The following VPS35L variants were observed in gnomAD, a reference collection of about 807,000 sequenced individuals.
VPS35L encodes the protein VPS35 endosomal protein-sorting factor-like.
A neutral mutation model predicts 133.0 loss-of-function variants in VPS35L; 83 were observed. The observed-to-expected ratio is 0.62, with a 90% CI of 0.52 to 0.75. The LOEUF (loss-of-function observed/expected upper bound fraction) is 0.75. Ranked by LOEUF, VPS35L falls within the 30% of genes least tolerant of loss-of-function variation. The pLI is 0.00. For missense variants in VPS35L, 1,083 were observed against 1,206.8 expected (o/e 0.90, Z 1.52); for synonymous variants, 423 against 449.9 (o/e 0.94, Z 0.76).
At chr16:19,586,817 A>G (rs2151522783) in intron 7 of VPS35L, among the ~76,000 whole-genome samples, 1 of 152,276 alleles carries the variant, frequency 6.6e-6, no homozygotes, top group Non-Finnish European at 1.5e-5. Context: ...ATTACTTTTT[A>G]TATATCCTAT....
intron 9 of VPS35L, among the ~76,000 whole-genome samples, chr16:19,602,750 C>T (rs536374762): frequency 1.3e-5 from 2 of 152,126 alleles, no homozygotes; most frequent in Admixed American, 1.3e-4. Context: ...CTACTGGTGC[C>T]TGCCACCACA....
chr16:19,649,720 G>T (rs1437186538), intron 24 of VPS35L, among the ~76,000 whole-genome samples: 1 of 152,168 alleles, frequency 6.6e-6, no homozygotes, highest in East Asian at 1.9e-4. Context: ...GTTCCCTAAG[G>T]CTCTTTCATT....
At chr16:19,664,201 G>T (rs752068400) in intron 26 of VPS35L, among the ~76,000 whole-genome samples, 1 of 152,116 alleles carries the variant, frequency 6.6e-6, no homozygotes, top group Non-Finnish European at 1.5e-5. Context: ...TCTTACAATA[G>T]AGCAGTCCAA....
intron 1 of VPS35L, among the ~76,000 whole-genome samples, chr16:19,563,513 A>T (rs924699229): frequency 6.6e-6 from 1 of 151,996 alleles, no homozygotes. Flanking sequence ...GTTCTTGCAC[A>T]TTCTCTCTCT....
intron 7 of VPS35L, chr16:19,582,022 C>A (rs1971726242): frequency 5.4e-6 from 1 of 185,256 alleles, no homozygotes; most frequent in South Asian, 1.7e-4. Flanking sequence ...GATTCCTTGA[C>A]CGCATTCGCT....
At chr16:19,676,822 A>G (rs967272207) in intron 27 of VPS35L, among the ~76,000 whole-genome samples, 3 of 152,220 alleles carry the variant, frequency 2.0e-5, no homozygotes, top group African/African-American at 7.2e-5. Context: ...ATGTTAAACA[A>G]ATAAGTACAC....
At chr16:19,678,179 A>G (rs1426074784) in intron 27 of VPS35L, among the ~76,000 whole-genome samples, 1 of 152,200 alleles carries the variant, frequency 6.6e-6, no homozygotes, top group Non-Finnish European at 1.5e-5. Flanking sequence ...CCAACCTAAT[A>G]CTTTTTTCCC....
rs929308761 is a variant in VPS35L at position 19,639,160 on chromosome 16, G to A, written c.1699-855G>A. ...TTCTATTTAATATTTTCGGATGGCCGTTAACCGAGGATAACTGACACTATG... is the reference window on the plus strand; with the variant it reads ...TTCTATTTAATATTTTCGGATGGCCATTAACCGAGGATAACTGACACTATG... On this transcript the variant is annotated intron_variant, in intron 20 of 30. Transcript: ENST00000417362. The surrounding 1 kb of genome is among the most constrained non-coding windows in gnomAD (Gnocchi z 4.1). 1.3e-5 allele frequency among the ~76,000 whole-genome samples: 2 copies of A among 152,184 alleles called. No homozygotes were observed. Among genetic ancestry groups the A allele is most frequent in the Admixed American group, 6.5e-5 (1 of 15,270 alleles).
intron 5 of VPS35L, chr16:19,578,670 T>C: frequency 3.1e-6 from 1 of 324,756 alleles, no homozygotes. Flanking sequence ...AGAGCACAAT[T>C]CTACGCTGTG....
At position 19,677,445 on chromosome 16, in the gene VPS35L, G is replaced by A. The variant is rs773392484; in HGVS notation, c.2362-4780G>A. Reference sequence around the variant, plus strand: ...GCTCCAGATTTGGGGGATGGGGTCAGATAATCAGGAGAGTTCCCGAAGAAA... The same window carrying A: ...GCTCCAGATTTGGGGGATGGGGTCAAATAATCAGGAGAGTTCCCGAAGAAA... On this transcript the variant is annotated intron_variant, in intron 27 of 30. Coordinates refer to ENST00000417362, the MANE Select transcript of VPS35L (RefSeq NM_020314.7). 4.6e-5 allele frequency among the ~76,000 whole-genome samples: 7 copies of A among 152,212 alleles called. 1 individual carries two copies. Among genetic ancestry groups the A allele is most frequent in the Non-Finnish European group, 1.0e-4 (7 of 68,026 alleles).
chr16:19,555,705 A>G lies in VPS35L; in HGVS notation c.-25A>G. 1 of 1,608,650 alleles carries G rather than the reference A, an allele frequency of 6.2e-7. No homozygotes were observed. The highest frequency in any genetic ancestry group is 8.5e-7 in the Non-Finnish European group (1 of 1,177,642). On this transcript the variant is annotated 5_prime_UTR_variant, in exon 1 of 31. Transcript: ENST00000417362. ...TGGGAAGCCGAGCAGACGGCCCCAG[A>G]ACAAGCGGTCATGTGACTGGGAAGA... is the stretch of plus-strand genomic sequence containing the variant.
At chr16:19,641,777 G>A (rs1452600109) in intron 21 of VPS35L, among the ~76,000 whole-genome samples, 1 of 149,392 alleles carries the variant, frequency 6.7e-6, no homozygotes. Context: ...GCTTCAGAAG[G>A]TATAAGAAGC....
chr16:19,607,500 C>T (rs917175371), intron 9 of VPS35L, among the ~76,000 whole-genome samples: 12 of 152,150 alleles, frequency 7.9e-5, no homozygotes, highest in African/African-American at 1.4e-4. Context: ...CAGGAAAATG[C>T]GAGTTCTTTT....
chr16:19,610,216 T>TC (rs985356117), intron 11 of VPS35L, 106 bp from the exon 12 acceptor site: 13 of 939,578 alleles, frequency 1.4e-5, no homozygotes, highest in South Asian at 3.3e-5. Flanking sequence ...ACTTGATTTT[T>TC]CCCCCCCTCC....
chr16:19,623,392 C>G (rs116033858), intron 14 of VPS35L, among the ~76,000 whole-genome samples: 2,473 of 152,256 alleles, frequency 0.016, 63 homozygotes, highest in African/African-American at 0.056. Flanking sequence ...TCCTTGCTGT[C>G]TCTTCCTATA....
At chr16:19,657,339 A>C (rs1183650255) in intron 26 of VPS35L, among the ~76,000 whole-genome samples, 2 of 151,662 alleles carry the variant, frequency 1.3e-5, no homozygotes, top group Non-Finnish European at 2.9e-5. Context: ...TTCTTTTAGA[A>C]CTTACTTTCT....
rs1244001861 is a variant in VPS35L at position 19,569,466 on chromosome 16, A to G, written c.160A>G (p.Thr54Ala). The G allele has an allele frequency of 1.2e-6, 2 of 1,605,040 alleles. No homozygotes were observed. The highest frequency in any genetic ancestry group is 2.7e-5 in the African/African-American group (2 of 74,676). ...AAAGAAAGTGAACCGGAAAGGAAGC[A>G]CTTCTTCCACGTCCTCCTCCTCCTC... ...KTKKVNRKGS[T>A]SSTSSSSSSS... The change falls in exon 3 of 31, where the codon ACT becomes GCT. Residue 54 changes from threonine to alanine, a missense_variant. Transcript: ENST00000417362.
At chr16:19,583,918 A>G (rs916994707) in intron 7 of VPS35L, among the ~76,000 whole-genome samples, 2 of 151,982 alleles carry the variant, frequency 1.3e-5, no homozygotes, top group African/African-American at 4.8e-5. Flanking sequence ...CTCCACTTCT[A>G]TGAGCTCAAC....
At chr16:19,696,337 C>T (rs944071443) in intron 29 of VPS35L, among the ~76,000 whole-genome samples, 6 of 152,112 alleles carry the variant, frequency 3.9e-5, no homozygotes, top group Non-Finnish European at 5.9e-5. Flanking sequence ...GTGGGGTGGG[C>T]GGCTTCTTGC....
Sources: allele counts gnomAD v4.1 joint callset (sites outside exome capture counted in the v4.1 genomes callset), GRCh38; gene constraint gnomAD v4.1.1; non-coding constraint Gnocchi (gnomAD v3.1); transcripts MANE v1.5; gene names NCBI Gene and HGNC (gene_info 2026-07-23, HGNC 2026-07-21).